MYO18B: variants seen among roughly 807,000 people sequenced by gnomAD.
The protein encoded by MYO18B is myosin XVIIIB, also known as unconventional myosin-XVIIIb.
Under a neutral mutation model 273.0 loss-of-function variants are expected in MYO18B, and 204 were observed. That is an observed-to-expected ratio of 0.75 (90% CI 0.67 to 0.84). The LOEUF is 0.84. MYO18B is among the 40% of genes least tolerant of loss of function. The pLI is 0.00. For synonymous variants in MYO18B, 1,330 were observed against 1,305.7 expected, an observed-to-expected ratio of 1.02 and a Z score of -0.40; for missense variants, 3,212 against 3,287.6, an observed-to-expected ratio of 0.98 and a Z score of 0.56.
At chr22:25,944,770 C>A (rs1371340364) in intron 34 of MYO18B, among the ~76,000 whole-genome samples, 2 of 151,226 alleles carry the variant, frequency 1.3e-5, no homozygotes, top group East Asian at 1.9e-4. Context: ...TCGCTGGAAC[C>A]CGGGAGGTGG....
rs561633029 is a variant in MYO18B at position 26,005,665 on chromosome 22, G to T, written c.6470+810G>T. On this transcript the variant is annotated intron_variant, in intron 42 of 43. Coordinates refer to ENST00000335473, the MANE Select transcript of MYO18B (RefSeq NM_032608.7). ...ATTAAGATATGCATAATTAAGATGA[G>T]ATGCTCACAGTTTTTGTGAACAGAA... Among the ~76,000 whole-genome samples the T allele has an allele frequency of 3.9e-5, 6 of 152,166 alleles. No individual in the cohort carries two copies. In the East Asian group the frequency reaches 7.7e-4, roughly 20 times the overall value.
rs537191223 is a variant in MYO18B at position 25,844,326 on chromosome 22, C to T, written c.3368+432C>T. Among the ~76,000 whole-genome samples the T allele has an allele frequency of 7.4e-4, 113 of 152,268 alleles. 1 individual carries two copies. The highest frequency in any genetic ancestry group is 2.6e-3 in the African/African-American group (109 of 41,548). On this transcript the variant is annotated intron_variant, in intron 18 of 43. Transcript: ENST00000335473. The stretch of plus-strand genomic sequence containing the variant: ...CAGAGTGCTGGCGTGAGGCCGGCAG[C>T]ATTCTCTGCTTTTAGTTCAGAGGCT...
chr22:25,967,336 A>G (rs2092990423), intron 39 of MYO18B, among the ~76,000 whole-genome samples: 1 of 152,184 alleles, frequency 6.6e-6, no homozygotes, highest in Admixed American at 6.5e-5. Context: ...GAGGCTTAGG[A>G]AGGTTAGTCT....
Position 25,868,346 on chromosome 22 carries a change from G to T in MYO18B, c.3912G>T (p.Leu1304=). Residue 1304 remains leucine (L), a synonymous_variant, in exon 22 of 44, where the codon CTG becomes CTT. Transcript: ENST00000335473. ...CCGTGGAGGAGCTCCTGGAGACCCTGGATCTGGAAAAGAAGGCGGTGGCTG... is the reference window on the plus strand; with the variant it reads ...CCGTGGAGGAGCTCCTGGAGACCCTTGATCTGGAAAAGAAGGCGGTGGCTG... ...RKAVEELLET[L]DLEKKAVAVG... The T allele has an allele frequency of 6.2e-7, 1 of 1,604,552 alleles. No homozygotes were observed. Among genetic ancestry groups the T allele is most frequent in the Non-Finnish European group, 8.5e-7 (1 of 1,175,654 alleles).
intron 34 of MYO18B, among the ~76,000 whole-genome samples, chr22:25,940,954 A>C (rs1325846530): frequency 1.3e-5 from 2 of 152,244 alleles, no homozygotes; most frequent in South Asian, 2.1e-4. Context: ...CCTGCCTTGC[A>C]GAATTCGAGC....
chr22:26,057,808 A>T, the MYO18B span, among the ~76,000 whole-genome samples: 7 of 152,178 alleles, frequency 4.6e-5, no homozygotes, highest in Non-Finnish European at 1.0e-4. Flanking sequence ...CTAATTTTAA[A>T]TGCTAGTTTT....
In MYO18B at chr22:25,908,285, G is replaced by A. The variant is rs1309897683; in HGVS notation, c.5149-37G>A. 2.0e-6 allele frequency: 3 copies of A among 1,500,952 alleles called. No individual in the cohort carries two copies. The Admixed American group carries it at 5.9e-5, about 29-fold the overall frequency. The allele number at this position is 1,500,952 out of a possible 1,614,324, so 93.0% of individuals were successfully genotyped here. On this transcript the variant is annotated intron_variant, in intron 31 of 43. Coordinates refer to ENST00000335473, the MANE Select transcript of MYO18B (RefSeq NM_032608.7). ...CATGGAGGGCTTGGAGAGTTAGAGT[G>A]GGTCACCCTCACGTGCTGTCCTTGC...
intron 27 of MYO18B, among the ~76,000 whole-genome samples, chr22:25,892,028 C>A (rs142958725): frequency 6.6e-6 from 1 of 152,070 alleles, no homozygotes; most frequent in Non-Finnish European, 1.5e-5. Flanking sequence ...AAAAAGAAAA[C>A]GTAAATTTTG....
At chr22:25,780,835 G>GC (rs1488315453) in intron 9 of MYO18B, among the ~76,000 whole-genome samples, 1 of 152,058 alleles carries the variant, frequency 6.6e-6, no homozygotes, top group East Asian at 1.9e-4. Flanking sequence ...TCTTAAAAGC[G>GC]CAAGTTGAAA....
At chr22:25,953,616 T>G (rs2146638012) in intron 38 of MYO18B, 1 of 152,310 alleles carries the variant, frequency 6.6e-6, no homozygotes, top group East Asian at 1.9e-4. Context: ...AAGGGATCCC[T>G]CAAGGTCTGA....
chr22:25,902,199 T>C (rs1294921278), intron 29 of MYO18B, among the ~76,000 whole-genome samples: 1 of 152,032 alleles, frequency 6.6e-6, no homozygotes, highest in Non-Finnish European at 1.5e-5. Flanking sequence ...TTTATTCCTG[T>C]CCATATATTT....
At chr22:26,055,139 G>A in the MYO18B span, among the ~76,000 whole-genome samples, 1 of 152,108 alleles carries the variant, frequency 6.6e-6, no homozygotes, top group Non-Finnish European at 1.5e-5. Context: ...ACCAAAAGCT[G>A]AGAGGTAAGC....
intron 9 of MYO18B, 55 bp downstream of exon 9, chr22:25,780,253 C>T (rs1429201632): frequency 1.3e-6 from 2 of 1,549,914 alleles, no homozygotes; most frequent in Non-Finnish European, 1.7e-6. Flanking sequence ...GTGTCTCTAA[C>T]CCCGGGACTC....
At chr22:25,819,243 T>A (rs1473088827) in intron 12 of MYO18B, among the ~76,000 whole-genome samples, 1 of 152,206 alleles carries the variant, frequency 6.6e-6, no homozygotes, top group African/African-American at 2.4e-5. Context: ...ATATCCCCCC[T>A]AGGTCAGGCA....
Position 25,769,801 on chromosome 22 carries a change from A to G in MYO18B, c.1513-309A>G, listed in dbSNP as rs1056047321. Among the ~76,000 whole-genome samples, 4 of 152,096 alleles carry G rather than the reference A, an allele frequency of 2.6e-5. No homozygotes were observed. In the East Asian group the frequency reaches 5.8e-4, roughly 22 times the overall value. On this transcript the variant is annotated intron_variant, in intron 4 of 43. Coordinates refer to ENST00000335473, the MANE Select transcript of MYO18B (RefSeq NM_032608.7). ...AAAATGCAGATTCCTGGGGCCAGCC[A>G]TGGAGTCTCTCATTTCAAAGGCCAG...
intron 33 of MYO18B, among the ~76,000 whole-genome samples, chr22:25,914,493 G>C (rs2092223603): frequency 6.6e-6 from 1 of 151,730 alleles, no homozygotes; most frequent in Non-Finnish European, 1.5e-5. Flanking sequence ...ATTATGAATA[G>C]AATATTTTTC....
intron 39 of MYO18B, among the ~76,000 whole-genome samples, chr22:25,970,329 G>T (rs2093023918): frequency 6.6e-6 from 1 of 152,202 alleles, no homozygotes; most frequent in South Asian, 2.1e-4. Flanking sequence ...TATAAGTCTA[G>T]GCCAGTGGTT....
At chr22:25,853,054 A>G (rs979304027) in intron 21 of MYO18B, among the ~76,000 whole-genome samples, 4 of 152,338 alleles carry the variant, frequency 2.6e-5, no homozygotes, top group Admixed American at 1.3e-4. Flanking sequence ...TGAGGATGAC[A>G]TGTAATAGTA....
chr22:26,037,059 G>T, the MYO18B span, among the ~76,000 whole-genome samples: 1 of 76,924 alleles, frequency 1.3e-5, no homozygotes, highest in Admixed American at 1.4e-4. Context: ...AGTGTAGATC[G>T]TGCTTTCCTA....
Sources: allele counts gnomAD v4.1 joint callset (sites outside exome capture counted in the v4.1 genomes callset), GRCh38; gene constraint gnomAD v4.1.1; transcripts MANE v1.5; gene names NCBI Gene and HGNC (gene_info 2026-07-23, HGNC 2026-07-21).